The following MORC1 variants were observed in gnomAD, a reference collection of about 807,000 sequenced individuals.
The protein encoded by MORC1 is MORC family CW-type zinc finger 1, also known as MORC family CW-type zinc finger protein 1.
MORC1 carries 59 observed loss-of-function variants against 134.9 expected under a neutral mutation model. That is an observed-to-expected ratio of 0.44 (90% confidence interval 0.35 to 0.54). The LOEUF (loss-of-function observed/expected upper bound fraction) is 0.54. Ranked by LOEUF, MORC1 falls within the 20% of genes least tolerant of loss-of-function variation. The pLI, the probability that MORC1 is intolerant of heterozygous loss-of-function variation, is 0.00. For missense variants in MORC1, 947 were observed against 1,134.5 expected, an observed-to-expected ratio of 0.83 and a Z score of 2.37; for synonymous variants, 395 against 391.7, an observed-to-expected ratio of 1.01 and a Z score of -0.10.
At chr3:108,980,209 C>T (rs1947674998) in intron 23 of MORC1, among the ~76,000 whole-genome samples, 1 of 152,170 alleles carries the variant, frequency 6.6e-6, no homozygotes, top group African/African-American at 2.4e-5. Flanking sequence ...CCTTTTACCT[C>T]CCCTTCACCA....
intron 9 of MORC1, among the ~76,000 whole-genome samples, chr3:109,065,452 G>GC (rs982180065): frequency 4.6e-5 from 7 of 151,920 alleles, no homozygotes; most frequent in African/African-American, 1.2e-4. Flanking sequence ...TATCTCCTGT[G>GC]TTTTTTTTCC....
chr3:109,004,025 G>A (rs1948476187), intron 20 of MORC1, among the ~76,000 whole-genome samples: 1 of 152,006 alleles, frequency 6.6e-6, no homozygotes, highest in African/African-American at 2.4e-5. Flanking sequence ...CTGAGATCAC[G>A]CCACTGCACT....
At chr3:109,041,055 T>C (rs1949533782) in intron 14 of MORC1, among the ~76,000 whole-genome samples, 1 of 151,938 alleles carries the variant, frequency 6.6e-6, no homozygotes. Context: ...CTCACGCCTG[T>C]AATCCCAGCA....
chr3:108,984,612 T>G, intron 23 of MORC1, 104 bp downstream of exon 23: 2 of 887,124 alleles, frequency 2.3e-6, no homozygotes, highest in Non-Finnish European at 3.3e-6. Context: ...CTTGATTGCT[T>G]TTGTTGCTAT....
intron 13 of MORC1, among the ~76,000 whole-genome samples, chr3:109,056,372 T>C (rs1465315901): frequency 6.6e-6 from 1 of 152,002 alleles, no homozygotes; most frequent in Non-Finnish European, 1.5e-5. Context: ...AGACCACAGG[T>C]GCCCGCCACC....
intron 24 of MORC1, among the ~76,000 whole-genome samples, chr3:108,976,739 A>ATTCAGCT (rs1267519272): frequency 6.6e-6 from 1 of 152,220 alleles, no homozygotes; most frequent in Non-Finnish European, 1.5e-5. Flanking sequence ...ATATTAACGC[A>ATTCAGCT]TTCAGCTTTC....
intron 8 of MORC1, among the ~76,000 whole-genome samples, chr3:109,084,733 T>G (rs1950585256): frequency 6.6e-6 from 1 of 151,974 alleles, no homozygotes; most frequent in Non-Finnish European, 1.5e-5. Context: ...TCACACTACA[T>G]GACTCCAAAA....
chr3:109,104,356 C>G (rs944439526), intron 3 of MORC1, among the ~76,000 whole-genome samples: 6 of 152,162 alleles, frequency 3.9e-5, no homozygotes, highest in Admixed American at 6.5e-5. Context: ...ATCCATCAGG[C>G]TCCCTTCTAA....
chr3:108,962,546 C>T (rs1293027431), intron 27 of MORC1, among the ~76,000 whole-genome samples: 1 of 152,100 alleles, frequency 6.6e-6, no homozygotes, highest in Non-Finnish European at 1.5e-5. Context: ...AGTTCTTGTC[C>T]CCTCACCTTG....
chr3:109,068,852 T>C (rs1054377843), intron 9 of MORC1, among the ~76,000 whole-genome samples: 4 of 152,182 alleles, frequency 2.6e-5, no homozygotes, highest in Non-Finnish European at 4.4e-5. Context: ...AAATATAAAC[T>C]TAAAGGCCGG....
intron 24 of MORC1, among the ~76,000 whole-genome samples, chr3:108,976,644 G>A (rs950478459): frequency 5.9e-5 from 9 of 152,106 alleles, no homozygotes; most frequent in Admixed American, 4.6e-4. Flanking sequence ...TAAATCCTGT[G>A]TTCTGTCCAA....
At chr3:108,969,550 C>T (rs148375592) in intron 26 of MORC1, 119 bp downstream of exon 26, 7 of 1,000,544 alleles carry the variant, frequency 7.0e-6, no homozygotes, top group African/African-American at 3.2e-5. Flanking sequence ...ATCTAAGTCT[C>T]GATAAGTGAA....
In MORC1 at chr3:109,001,948, C is replaced by T. The variant is rs1948414706; in HGVS notation, c.2086-1290G>A. Among the ~76,000 whole-genome samples the T allele has an allele frequency of 2.0e-5, 3 of 152,174 alleles. 1 individual carries two copies. In the South Asian group the frequency reaches 6.2e-4, roughly 32 times the overall value. On this transcript the variant is annotated intron_variant, in intron 20 of 27. Transcript: ENST00000232603. ...TCCCAATTTCAATTAATGGAATCAC[C>T]ATTCAACCTGGTGAAAGAACTCAAA...
chr3:109,081,519 G>A (rs886636010), intron 8 of MORC1, among the ~76,000 whole-genome samples: 7 of 147,972 alleles, frequency 4.7e-5, no homozygotes, highest in Non-Finnish European at 8.9e-5. Context: ...GCAGTGGCAC[G>A]GTCTTGGCTC....
Position 109,063,107 on chromosome 3 carries a change from T to C in MORC1, c.895+45A>G, listed in dbSNP as rs773866934. 5.8e-6 allele frequency: 8 copies of C among 1,384,776 alleles called. No homozygotes were observed. The South Asian group carries it at 1.0e-4, about 18-fold the overall frequency. The allele number at this position is 1,384,776 out of a possible 1,614,324, so 85.8% of individuals were successfully genotyped here. A position where few individuals can be genotyped will look rare whatever the true frequency, so the allele number is the denominator to read the frequency against. ...AAATAAGTGCACAATTAACATTTGC[T>C]GAATGACTGAACAACAATGATGTAG... On this transcript the variant is annotated intron_variant, in intron 10 of 27. Coordinates refer to ENST00000232603, the MANE Select transcript of MORC1 (RefSeq NM_014429.4).
intron 11 of MORC1, 71 bp downstream of exon 11, chr3:109,061,917 C>A: frequency 7.5e-7 from 1 of 1,340,088 alleles, no homozygotes; most frequent in Non-Finnish European, 1.1e-6. Context: ...TGATAAGAGA[C>A]AACTATGCAC....
chr3:108,971,338 T>A lies in MORC1; in HGVS notation c.2542A>T (p.Ser848Cys). 1 of 1,613,366 alleles carries A rather than the reference T, an allele frequency of 6.2e-7. No individual in the cohort carries two copies. Among genetic ancestry groups the A allele is most frequent in the South Asian group, 1.1e-5 (1 of 91,000 alleles). Residue 848 changes from serine (S) to cysteine (C), a missense_variant, in exon 25 of 28, where the codon AGT becomes TGT. Physicochemically the swap from Ser to Cys is moderately radical, Grantham distance 112. Around this residue, in one of 3 missense-constraint regions of MORC1, gnomAD observed 722 missense variants for 817.0 expected, o/e 0.88. Transcript: ENST00000232603. Reference protein sequence around the residue: ...LPSELEEPALSCELEQCPEQM... With the variant: ...LPSELEEPALCCELEQCPEQM... Reference sequence around the variant, plus strand: ...AAAAAAAACCAGCTTACCTCACAACTTAATGCAGGTTCTTCCAATTCTGAT... The same window carrying A: ...AAAAAAAACCAGCTTACCTCACAACATAATGCAGGTTCTTCCAATTCTGAT...
At chr3:109,004,766 T>A (rs961283689) in intron 20 of MORC1, 51 bp downstream of exon 20, 1 of 1,520,486 alleles carries the variant, frequency 6.6e-7, no homozygotes, top group South Asian at 1.2e-5. Flanking sequence ...TAAAGGTTTA[T>A]CCTATATGAA....
intron 14 of MORC1, among the ~76,000 whole-genome samples, chr3:109,047,476 A>AT (rs1360964258): frequency 3.3e-5 from 5 of 152,210 alleles, no homozygotes; most frequent in African/African-American, 1.2e-4. Context: ...GAAAGGAAGC[A>AT]TAAGTGCTTT....
Sources: allele counts gnomAD v4.1 joint callset (sites outside exome capture counted in the v4.1 genomes callset), GRCh38; gene constraint gnomAD v4.1.1; regional missense constraint gnomAD v4.1.1; transcripts MANE v1.5; gene names NCBI Gene and HGNC (gene_info 2026-07-23, HGNC 2026-07-21).